WNK3: variants seen among roughly 807,000 people sequenced by gnomAD.
WNK3 encodes the protein serine/threonine-protein kinase WNK3.
Under a neutral mutation model 116.7 loss-of-function variants are expected in WNK3, and 18 were observed. The observed-to-expected ratio is 0.15, with a 90% confidence interval of 0.11 to 0.23. The LOEUF (loss-of-function observed/expected upper bound fraction) is 0.23, where lower values mean the gene tolerates loss of function less well. Among genes scored for constraint, WNK3 ranks in the 10% least tolerant of loss-of-function variants. The pLI, the probability that WNK3 is intolerant of heterozygous loss-of-function variation, is 1.00. For missense variants in WNK3, 993 were observed against 1,323.8 expected (o/e 0.75, Z 3.88); for synonymous variants, 404 against 469.4 (o/e 0.86, Z 1.80).
intron 2 of WNK3, among the ~76,000 whole-genome samples, chrX:54,326,498 G>A (rs1369050107): frequency 1.8e-5 from 2 of 110,753 alleles, no homozygotes; most frequent in Non-Finnish European, 3.8e-5. Context: ...GAACCCAGGA[G>A]TTCAAGACTA....
At chrX:54,345,280 ATATATG>A (rs1424757194) in intron 1 of WNK3, among the ~76,000 whole-genome samples, 4 of 100,933 alleles carry the variant, frequency 4.0e-5, no homozygotes, top group African/African-American at 1.6e-4. Flanking sequence ...ACAACTATAT[ATATATG>A]TATGTATGTA....
intron 10 of WNK3, among the ~76,000 whole-genome samples, chrX:54,261,711 A>C (rs1557156746): frequency 8.9e-6 from 1 of 111,819 alleles, no homozygotes. Flanking sequence ...AAACATCTTA[A>C]GTGTTTAAGA....
At chrX:54,281,652 C>G (rs903579764) in intron 10 of WNK3, among the ~76,000 whole-genome samples, 8 of 111,690 alleles carry the variant, frequency 7.2e-5, no homozygotes, top group African/African-American at 2.3e-4. Flanking sequence ...TTTATAGATT[C>G]CACATATAAG....
At chrX:54,220,276 T>C (rs1453174558) in intron 22 of WNK3, among the ~76,000 whole-genome samples, 4 of 111,717 alleles carry the variant, frequency 3.6e-5, no homozygotes, top group Admixed American at 9.6e-5. Context: ...CAAGCATTTT[T>C]AGAATAAGAC....
chrX:54,201,005 A>G (rs1557141510), intron 23 of WNK3, among the ~76,000 whole-genome samples: 2 of 111,895 alleles, frequency 1.8e-5, no homozygotes, highest in Non-Finnish European at 3.8e-5. Flanking sequence ...AAACTATATG[A>G]CTATACATGT....
At chrX:54,244,651 T>C (rs1351834028) in intron 17 of WNK3, among the ~76,000 whole-genome samples, 9 of 112,141 alleles carry the variant, frequency 8.0e-5, no homozygotes, top group African/African-American at 2.6e-4. Flanking sequence ...CAGCTACAAA[T>C]AAAAGGTTAA....
intron 2 of WNK3, among the ~76,000 whole-genome samples, chrX:54,315,151 G>T (rs1372338016): frequency 1.8e-5 from 2 of 108,260 alleles, no homozygotes; most frequent in Non-Finnish European, 3.8e-5. Flanking sequence ...AAAAAAATCA[G>T]CTGAGCATGG....
At chrX:54,297,878 CCTGA>C (rs2068715189) in intron 7 of WNK3, among the ~76,000 whole-genome samples, 1 of 110,799 alleles carries the variant, frequency 9.0e-6, no homozygotes, top group Admixed American at 9.7e-5. Context: ...TCAAGACCAG[CCTGA>C]CTAACACGGT....
intron 17 of WNK3, among the ~76,000 whole-genome samples, chrX:54,246,171 T>C (rs187497885): frequency 4.9e-4 from 55 of 111,858 alleles, no homozygotes; most frequent in African/African-American, 1.8e-3. Context: ...TCTTTATATA[T>C]TTTAGAGTTA....
intron 22 of WNK3, among the ~76,000 whole-genome samples, chrX:54,215,503 C>T (rs2067679217): frequency 8.9e-6 from 1 of 112,698 alleles, no homozygotes; most frequent in African/African-American, 3.2e-5. Flanking sequence ...CAATGTTGCC[C>T]AGGCTGGAGT....
intron 22 of WNK3, among the ~76,000 whole-genome samples, chrX:54,207,509 C>CTTTTTTTTT (rs782017192): frequency 2.4e-5 from 2 of 84,305 alleles, no homozygotes; most frequent in Non-Finnish European, 4.7e-5. Flanking sequence ...GCCCATTTAT[C>CTTTTTTTTT]TTTTTTTTTT....
intron 5 of WNK3, among the ~76,000 whole-genome samples, chrX:54,303,571 A>C (rs1557168047): frequency 1.8e-5 from 2 of 111,045 alleles, no homozygotes; most frequent in African/African-American, 6.5e-5. Flanking sequence ...TCGTAGACAA[A>C]TATGATGAAA....
intron 17 of WNK3, among the ~76,000 whole-genome samples, chrX:54,246,139 T>C (rs1195749630): frequency 9.8e-5 from 11 of 112,392 alleles, no homozygotes; most frequent in Non-Finnish European, 2.1e-4. Context: ...TGTCTGATCT[T>C]TTCTCAATGA....
chrX:54,342,421 C>T (rs530482007), intron 1 of WNK3, among the ~76,000 whole-genome samples: 7 of 109,502 alleles, frequency 6.4e-5, no homozygotes, highest in Non-Finnish European at 1.1e-4. Flanking sequence ...CAAAAATTAG[C>T]TGGGCGTGGT....
At position 54,208,452 on chromosome X, in the gene WNK3, G is replaced by C. The variant is rs576580970; in HGVS notation, c.4871-6259C>G. 3.7e-4 allele frequency among the ~76,000 whole-genome samples: 41 copies of C among 111,141 alleles called. 1 individual carries two copies. The South Asian group carries it at 0.016, about 43-fold the overall frequency. On this transcript the variant is annotated intron_variant, in intron 22 of 23. Transcript: ENST00000354646. ...TATATACCTTTTTAGACAGGGTCTG[G>C]CTCTGTCACACTCCTGGACTCAAGC...
chrX:54,246,765 C>T (rs781969953), intron 17 of WNK3, among the ~76,000 whole-genome samples: 3 of 111,809 alleles, frequency 2.7e-5, no homozygotes, highest in Non-Finnish European at 5.6e-5. Flanking sequence ...CTCAGTTGCA[C>T]TAGTCACATT....
At chrX:54,209,933 A>G (rs2067595331) in intron 22 of WNK3, among the ~76,000 whole-genome samples, 1 of 111,386 alleles carries the variant, frequency 9.0e-6, no homozygotes. Flanking sequence ...GACATTCTCA[A>G]TTCATATTAG....
At chrX:54,328,236 CTTGT>C (rs2069128643) in intron 2 of WNK3, among the ~76,000 whole-genome samples, 1 of 110,246 alleles carries the variant, frequency 9.1e-6, no homozygotes, top group African/African-American at 3.3e-5. Context: ...CTTCTACAGA[CTTGT>C]TTAATTATAT....
At chrX:54,265,913 G>C (rs1201446667) in intron 10 of WNK3, among the ~76,000 whole-genome samples, 2 of 111,073 alleles carry the variant, frequency 1.8e-5, no homozygotes, top group Admixed American at 9.5e-5. Flanking sequence ...ATGTGGTGGC[G>C]GGTGCCTGTA....
Sources: gnomAD v4.1 joint callset for allele counts (sites outside exome capture counted in the v4.1 genomes callset) on GRCh38, gnomAD v4.1.1 for gene constraint, MANE v1.5 for transcripts, NCBI Gene and HGNC (gene_info 2026-07-23, HGNC 2026-07-21) for gene names.